B3GNT2: variants seen among roughly 807,000 people sequenced by gnomAD.
The protein encoded by B3GNT2 is N-acetyllactosaminide beta-1,3-N-acetylglucosaminyltransferase 2.
A neutral mutation model predicts 27.6 loss-of-function variants in B3GNT2; 12 were observed. That is an observed-to-expected ratio of 0.44 (90% CI 0.28 to 0.71). The LOEUF (loss-of-function observed/expected upper bound fraction) is 0.71. Among genes scored for constraint, B3GNT2 ranks in the 30% least tolerant of loss-of-function variants. The pLI is 0.17. For missense variants in B3GNT2, 413 were observed against 488.5 expected, an observed-to-expected ratio of 0.85 and a Z score of 1.46; for synonymous variants, 192 against 189.7, an observed-to-expected ratio of 1.01 and a Z score of -0.10.
At chr2:62,211,451 C>T (rs1400829705) in intron 1 of B3GNT2, among the ~76,000 whole-genome samples, 1 of 152,110 alleles carries the variant, frequency 6.6e-6, no homozygotes, top group Non-Finnish European at 1.5e-5. Flanking sequence ...ACCACTCTTC[C>T]CCTGTGAACT....
Position 62,223,191 on chromosome 2 carries a change from A to T in B3GNT2, c.971A>T (p.Asp324Val). The T allele has an allele frequency of 6.2e-7, 1 of 1,614,170 alleles. No homozygotes were observed. Among genetic ancestry groups the T allele is most frequent in the Non-Finnish European group, 8.5e-7 (1 of 1,180,018 alleles). Residue 324 changes from aspartate to valine, a missense_variant, in exon 2 of 2, where the codon GAC (aspartate) becomes GTC (valine). Transcript: ENST00000301998. ...GCCCTGAGGCTGTACCATATCACTG[A>T]CCAGGTCCATCTCTACCCCATTGAT... is the stretch of plus-strand genomic sequence containing the variant. The part of the protein sequence containing the change: ...HLALRLYHIT[D>V]QVHLYPIDDV...
chr2:62,216,945 C>T (rs921408521), intron 1 of B3GNT2, among the ~76,000 whole-genome samples: 1 of 152,236 alleles, frequency 6.6e-6, no homozygotes, highest in Non-Finnish European at 1.5e-5. Context: ...AAGGCCTGGG[C>T]GCAAGCCCTG....
rs1674747766 is a variant in B3GNT2 at position 62,222,932 on chromosome 2, A to G, written c.712A>G (p.Thr238Ala). 1.2e-6 allele frequency: 2 copies of G among 1,614,112 alleles called. No individual in the cohort carries two copies. The highest frequency in any genetic ancestry group is 1.7e-5 in the Admixed American group (1 of 60,016). ...GTGGGTAAGTACTTCCTGCCCAGAC[A>G]CTGAGTTTGTTTTCAAGGGCGATGA... ...LRWVSTSCPD[T>A]EFVFKGDDDV... The change falls in exon 2 of 2, where the codon ACT becomes GCT. Residue 238 changes from threonine to alanine, a missense_variant. Physicochemically the swap from Thr to Ala is moderately conservative, Grantham distance 58. Coordinates refer to ENST00000301998, the MANE Select transcript of B3GNT2 (RefSeq NM_006577.6). This position sits in a 1 kb window ranked among gnomAD's most constrained non-coding sequence, Gnocchi z 4.2.
intron 1 of B3GNT2, among the ~76,000 whole-genome samples, chr2:62,203,188 C>A (rs1674303808): frequency 6.6e-6 from 1 of 152,128 alleles, no homozygotes; most frequent in Non-Finnish European, 1.5e-5. Flanking sequence ...AGAGGGGAAA[C>A]TGAGGGCTCA....
At chr2:62,218,861 A>T (rs1401552601) in intron 1 of B3GNT2, among the ~76,000 whole-genome samples, 1 of 152,238 alleles carries the variant, frequency 6.6e-6, no homozygotes, top group East Asian at 1.9e-4. Context: ...GCCATTCATT[A>T]GTCCCTGTGT....
intron 1 of B3GNT2, among the ~76,000 whole-genome samples, chr2:62,202,628 C>T (rs942221022): frequency 2.0e-5 from 3 of 152,084 alleles, no homozygotes; most frequent in Admixed American, 6.6e-5. Flanking sequence ...TGGGCCTGAG[C>T]GTGAATGAGG....
At chr2:62,205,062 ACAGGCAGAC>A (rs1255564853) in intron 1 of B3GNT2, among the ~76,000 whole-genome samples, 1 of 152,218 alleles carries the variant, frequency 6.6e-6, no homozygotes, top group African/African-American at 2.4e-5. Context: ...AGGGAGAGTG[ACAGGCAGAC>A]CGGCGAGATT....
At chr2:62,207,766 CT>C (rs1424940652) in intron 1 of B3GNT2, among the ~76,000 whole-genome samples, 1 of 152,146 alleles carries the variant, frequency 6.6e-6, no homozygotes, top group Non-Finnish European at 1.5e-5. Context: ...GCTTGCAGGC[CT>C]GCCCACCACT....
chr2:62,210,977 C>G (rs535292628), intron 1 of B3GNT2, among the ~76,000 whole-genome samples: 12 of 152,030 alleles, frequency 7.9e-5, no homozygotes, highest in African/African-American at 2.9e-4. Context: ...CCGGAAGTAA[C>G]CAGATGATGA....
chr2:62,205,859 T>A (rs1026465324), intron 1 of B3GNT2: 2 of 154,198 alleles, frequency 1.3e-5, no homozygotes, highest in Non-Finnish European at 2.9e-5. Flanking sequence ...CTGGAACCAT[T>A]TCTCCTGGGA....
At chr2:62,201,308 T>C (rs1297639693) in intron 1 of B3GNT2, among the ~76,000 whole-genome samples, 1 of 152,270 alleles carries the variant, frequency 6.6e-6, no homozygotes, top group Non-Finnish European at 1.5e-5. Context: ...TTCAGAGTTG[T>C]TTGGCCACCT....
chr2:62,221,627 C>G (rs1041271159), intron 1 of B3GNT2, among the ~76,000 whole-genome samples: 29 of 152,260 alleles, frequency 1.9e-4, no homozygotes, highest in African/African-American at 6.7e-4. Context: ...AGCAACGTAA[C>G]CAGTCCCTGT....
intron 1 of B3GNT2, among the ~76,000 whole-genome samples, chr2:62,215,898 G>A (rs1382646259): frequency 6.6e-6 from 1 of 152,122 alleles, no homozygotes; most frequent in Non-Finnish European, 1.5e-5. Flanking sequence ...TTTATTTCAC[G>A]GTTACAAGGA....
At chr2:62,213,582 TG>T (rs1198110743) in intron 1 of B3GNT2, among the ~76,000 whole-genome samples, 1 of 152,190 alleles carries the variant, frequency 6.6e-6, no homozygotes, top group African/African-American at 2.4e-5. Flanking sequence ...TTTGGTGGTC[TG>T]GGGCTGACTG....
chr2:62,197,896 A>G (rs1674185608), intron 1 of B3GNT2, among the ~76,000 whole-genome samples: 1 of 152,208 alleles, frequency 6.6e-6, no homozygotes, highest in African/African-American at 2.4e-5. Context: ...TCTTTTGAGT[A>G]GAGGGTGGTT....
At chr2:62,218,147 T>C (rs1487227315) in intron 1 of B3GNT2, among the ~76,000 whole-genome samples, 1 of 152,214 alleles carries the variant, frequency 6.6e-6, no homozygotes, top group Non-Finnish European at 1.5e-5. Flanking sequence ...CTGTCTGCGA[T>C]GGGAATGTTT....
chr2:62,221,963 C>A, intron 1 of B3GNT2: 2 of 562,694 alleles, frequency 3.6e-6, no homozygotes, highest in African/African-American at 1.9e-5. Context: ...CATATAACAT[C>A]ATATACTCAC....
chr2:62,216,199 G>A (rs551439554), intron 1 of B3GNT2, among the ~76,000 whole-genome samples: 4 of 152,230 alleles, frequency 2.6e-5, no homozygotes, highest in Non-Finnish European at 5.9e-5. Flanking sequence ...TAGGGTCATT[G>A]GGTTCAGGGA....
At chr2:62,202,699 T>G (rs1475144505) in intron 1 of B3GNT2, among the ~76,000 whole-genome samples, 1 of 152,210 alleles carries the variant, frequency 6.6e-6, no homozygotes, top group Non-Finnish European at 1.5e-5. Flanking sequence ...ATTTGCCCCC[T>G]ACCAGTTTCT....
Sources: allele counts gnomAD v4.1 joint callset (sites outside exome capture counted in the v4.1 genomes callset), GRCh38; gene constraint gnomAD v4.1.1; non-coding constraint Gnocchi (gnomAD v3.1); transcripts MANE v1.5; gene names NCBI Gene and HGNC (gene_info 2026-07-23, HGNC 2026-07-21).